Variants in PALLD observed in about 807,000 individuals in gnomAD.
The protein encoded by PALLD is palladin, cytoskeletal associated protein, also known as palladin.
PALLD carries 61 observed loss-of-function variants against 123.5 expected under a neutral mutation model. The ratio of observed to expected loss-of-function variants is 0.49; its 90% CI spans 0.40 to 0.61. PALLD has a LOEUF of 0.61. PALLD is among the 20% of genes least tolerant of loss of function. The pLI is 0.00. For synonymous variants in PALLD, 465 were observed against 496.4 expected (o/e 0.94, Z 0.84); for missense variants, 1,273 against 1,377.0 (o/e 0.92, Z 1.20).
intron 10 of PALLD, among the ~76,000 whole-genome samples, chr4:168,863,262 GA>G: frequency 6.6e-6 from 1 of 152,282 alleles, no homozygotes; most frequent in East Asian, 1.9e-4. Flanking sequence ...GAAGAAAGGG[GA>G]TGCACTGCTG....
chr4:168,710,105 A>G (rs1286304409), intron 9 of PALLD, among the ~76,000 whole-genome samples: 4 of 152,268 alleles, frequency 2.6e-5, no homozygotes, highest in East Asian at 1.9e-4. Flanking sequence ...GAGAAGCTGT[A>G]AAGGCCTTCA....
intron 2 of PALLD, among the ~76,000 whole-genome samples, chr4:168,518,631 A>C (rs951082407): frequency 6.6e-6 from 1 of 151,992 alleles, no homozygotes; most frequent in Non-Finnish European, 1.5e-5. Flanking sequence ...TCCCCTCCAT[A>C]TCTCTATCAC....
chr4:168,827,152 C>T (rs1561567871), intron 10 of PALLD, among the ~76,000 whole-genome samples: 1 of 152,130 alleles, frequency 6.6e-6, no homozygotes, highest in Non-Finnish European at 1.5e-5. Flanking sequence ...TCTTTTTTCC[C>T]GATCCATTCT....
intron 2 of PALLD, among the ~76,000 whole-genome samples, chr4:168,600,992 G>A (rs1772585674): frequency 6.6e-6 from 1 of 152,070 alleles, no homozygotes; most frequent in African/African-American, 2.4e-5. Context: ...GCTGTCTTTA[G>A]CATAATATTC....
chr4:168,652,044 G>A (rs1277819563), intron 2 of PALLD, among the ~76,000 whole-genome samples: 1 of 152,136 alleles, frequency 6.6e-6, no homozygotes, highest in Non-Finnish European at 1.5e-5. Flanking sequence ...TCTCAGGAGG[G>A]TAGGCTCTGA....
chr4:168,714,854 C>CA (rs371036768), intron 10 of PALLD, among the ~76,000 whole-genome samples: 55 of 123,540 alleles, frequency 4.5e-4, no homozygotes, highest in South Asian at 1.3e-3. Flanking sequence ...AGATCATTTT[C>CA]AAAAAAAAAA....
chr4:168,892,827 A>G (rs1754351289), intron 11 of PALLD, among the ~76,000 whole-genome samples: 1 of 151,860 alleles, frequency 6.6e-6, no homozygotes, highest in African/African-American at 2.4e-5. Context: ...AACCCACATT[A>G]TATATATTGT....
At chr4:168,904,116 C>G (rs1757122921) in intron 15 of PALLD, 2 of 570,000 alleles carry the variant, frequency 3.5e-6, no homozygotes, top group Non-Finnish European at 6.2e-6. Flanking sequence ...TTATTCTACT[C>G]CTTCCACAAA....
At chr4:168,633,261 C>G (rs973352848) in intron 2 of PALLD, among the ~76,000 whole-genome samples, 1 of 152,168 alleles carries the variant, frequency 6.6e-6, no homozygotes, top group Non-Finnish European at 1.5e-5. Flanking sequence ...TAATGGCAAA[C>G]AGGTTATTTT....
intron 2 of PALLD, among the ~76,000 whole-genome samples, chr4:168,571,509 G>T (rs896020775): frequency 1.3e-5 from 2 of 152,098 alleles, no homozygotes; most frequent in African/African-American, 4.8e-5. Flanking sequence ...AAGTTTTTAA[G>T]TATATCTAAG....
At chr4:168,737,590 A>G (rs1261723055) in intron 10 of PALLD, among the ~76,000 whole-genome samples, 1 of 152,092 alleles carries the variant, frequency 6.6e-6, no homozygotes, top group Non-Finnish European at 1.5e-5. Flanking sequence ...AAAGCACACT[A>G]CTTTGCTTTC....
chr4:168,596,721 TAA>T (rs56390001), intron 2 of PALLD, among the ~76,000 whole-genome samples: 14,264 of 132,782 alleles, frequency 0.11, 745 homozygotes, highest in Admixed American at 0.14. Flanking sequence ...TTGGCCTTGT[TAA>T]AAAAAAAAAA....
chr4:168,679,100 T>C (rs549473822), intron 3 of PALLD, among the ~76,000 whole-genome samples: 4 of 101,610 alleles, frequency 3.9e-5, no homozygotes, highest in Non-Finnish European at 5.8e-5. Flanking sequence ...TTGGGGTGTT[T>C]ATGGTGGGTG....
At chr4:168,686,935 T>G (rs571337499) in intron 6 of PALLD, among the ~76,000 whole-genome samples, 1 of 152,300 alleles carries the variant, frequency 6.6e-6, no homozygotes, top group African/African-American at 2.4e-5. Context: ...CTAGAGAAAT[T>G]GATGTGTAAT....
chr4:168,520,724 A>T (rs1174568150), intron 2 of PALLD, among the ~76,000 whole-genome samples: 1 of 152,234 alleles, frequency 6.6e-6, no homozygotes, highest in Non-Finnish European at 1.5e-5. Flanking sequence ...GAGTGGCAGC[A>T]GCTGCCTTAT....
intron 2 of PALLD, among the ~76,000 whole-genome samples, chr4:168,609,668 C>A (rs146971476): frequency 2.0e-3 from 304 of 152,270 alleles, no homozygotes; most frequent in Middle Eastern, 0.014. Context: ...GATGTCCTTG[C>A]AGGGAGTTGC....
intron 8 of PALLD, among the ~76,000 whole-genome samples, 170 bp from the exon 9 acceptor site, chr4:168,708,858 C>G (rs989593140): frequency 6.6e-6 from 1 of 151,836 alleles, no homozygotes; most frequent in Non-Finnish European, 1.5e-5. Context: ...TTCTGCTAGG[C>G]AGAATTGCTA....
chr4:168,747,471 A>G (rs546660421), intron 10 of PALLD, among the ~76,000 whole-genome samples: 11 of 152,376 alleles, frequency 7.2e-5, no homozygotes, highest in Admixed American at 6.5e-4. Flanking sequence ...AAAAATGTCA[A>G]TATAACTATT....
At chr4:168,666,112 C>T (rs1036751458) in intron 2 of PALLD, among the ~76,000 whole-genome samples, 5 of 152,062 alleles carry the variant, frequency 3.3e-5, no homozygotes, top group Admixed American at 3.3e-4. Flanking sequence ...TAAAAACAGG[C>T]AGTAGGCTTG....
Sources: gnomAD v4.1 joint callset for allele counts (sites outside exome capture counted in the v4.1 genomes callset) on GRCh38, gnomAD v4.1.1 for gene constraint, MANE v1.5 for transcripts, NCBI Gene and HGNC (gene_info 2026-07-23, HGNC 2026-07-21) for gene names.